The following ADGRL2 variants were observed in gnomAD, a reference collection of about 807,000 sequenced individuals.
ADGRL2 encodes the protein calcium-independent alpha-latrotoxin receptor 2.
A neutral mutation model predicts 157.4 loss-of-function variants in ADGRL2; 44 were observed. The observed-to-expected ratio is 0.28, with a 90% CI of 0.22 to 0.36. The LOEUF (loss-of-function observed/expected upper bound fraction) is 0.36, where lower values mean the gene tolerates loss of function less well. Among genes scored for constraint, ADGRL2 ranks in the 10% least tolerant of loss-of-function variants. The pLI is 1.00. For missense variants in ADGRL2, 1,510 were observed against 1,768.9 expected (o/e 0.85, Z 2.63); for synonymous variants, 585 against 624.7 (o/e 0.94, Z 0.95).
chr1:81,980,876 G>A (rs1242162159), intron 18 of ADGRL2: 1 of 632,364 alleles, frequency 1.6e-6, no homozygotes, highest in Non-Finnish European at 3.0e-6. Context: ...TTTATGGCAT[G>A]ATTTGTATTT....
intron 1 of ADGRL2, among the ~76,000 whole-genome samples, chr1:81,401,286 C>A (rs1042894222): frequency 1.3e-5 from 2 of 152,118 alleles, no homozygotes; most frequent in African/African-American, 4.8e-5. Flanking sequence ...ACCCAGGCAG[C>A]AAACTCAGCT....
At chr1:81,664,952 G>A (rs1453555094) in intron 3 of ADGRL2, among the ~76,000 whole-genome samples, 1 of 152,000 alleles carries the variant, frequency 6.6e-6, no homozygotes, top group African/African-American at 2.4e-5. Context: ...TGAACTTGAG[G>A]CTAAGAATAC....
intron 2 of ADGRL2, among the ~76,000 whole-genome samples, chr1:81,478,664 A>C (rs2101903662): frequency 6.6e-6 from 1 of 152,252 alleles, no homozygotes; most frequent in East Asian, 1.9e-4. Flanking sequence ...TCGTCTTATT[A>C]ATAGTGGCAG....
At chr1:81,801,710 A>G (rs964871067) in intron 1 of ADGRL2, among the ~76,000 whole-genome samples, 1 of 152,048 alleles carries the variant, frequency 6.6e-6, no homozygotes, top group Non-Finnish European at 1.5e-5. Context: ...GGCGCGAGGG[A>G]TGCTATTCCG....
chr1:81,468,341 A>ATT (rs1553167689), intron 2 of ADGRL2, among the ~76,000 whole-genome samples: 1 of 152,186 alleles, frequency 6.6e-6, no homozygotes, highest in Non-Finnish European at 1.5e-5. Flanking sequence ...TTAAATTCAC[A>ATT]TTATAAATTT....
At chr1:81,721,154 G>A (rs975168507) in intron 1 of ADGRL2, among the ~76,000 whole-genome samples, 11 of 150,128 alleles carry the variant, frequency 7.3e-5, no homozygotes, top group African/African-American at 2.5e-4. Context: ...TTACGGGTGT[G>A]AGCCACCGCA....
intron 2 of ADGRL2, among the ~76,000 whole-genome samples, chr1:81,544,128 C>G (rs1203553309): frequency 6.6e-6 from 1 of 152,086 alleles, no homozygotes; most frequent in African/African-American, 2.4e-5. Context: ...TCCCTGGATC[C>G]ACTGCATTTA....
At chr1:81,486,947 A>C (rs1394466272) in intron 2 of ADGRL2, among the ~76,000 whole-genome samples, 1 of 152,090 alleles carries the variant, frequency 6.6e-6, no homozygotes, top group Non-Finnish European at 1.5e-5. Context: ...TACTTGTATG[A>C]ATTTAAAACA....
intron 2 of ADGRL2, chr1:81,501,701 C>T (rs920277366): frequency 1.3e-6 from 2 of 1,594,668 alleles, no homozygotes; most frequent in Non-Finnish European, 1.7e-6. Context: ...AGGTTTAGAC[C>T]CAGTGTGCCT....
At chr1:81,404,254 A>G (rs2076814524) in intron 1 of ADGRL2, among the ~76,000 whole-genome samples, 1 of 152,212 alleles carries the variant, frequency 6.6e-6, no homozygotes, top group Admixed American at 6.5e-5. Flanking sequence ...TAGGCAAGGT[A>G]ATCAACTTTG....
At chr1:81,823,805 A>G (rs371698641) in intron 1 of ADGRL2, among the ~76,000 whole-genome samples, 4 of 152,250 alleles carry the variant, frequency 2.6e-5, no homozygotes, top group African/African-American at 9.6e-5. Context: ...TATACCAAGA[A>G]AGGTATAGAA....
chr1:81,976,217 TG>T (rs1278223198), intron 17 of ADGRL2, among the ~76,000 whole-genome samples: 1 of 152,010 alleles, frequency 6.6e-6, no homozygotes, highest in Non-Finnish European at 1.5e-5. Context: ...TTTCTTTAGT[TG>T]GGAAAAAGAA....
chr1:81,545,166 C>G (rs2079983326), intron 2 of ADGRL2, among the ~76,000 whole-genome samples: 1 of 152,096 alleles, frequency 6.6e-6, no homozygotes, highest in Non-Finnish European at 1.5e-5. Context: ...GTGAGTTAGT[C>G]CCACCTTACA....
intron 1 of ADGRL2, among the ~76,000 whole-genome samples, chr1:81,730,745 C>A (rs539967520): frequency 6.6e-6 from 1 of 152,060 alleles, no homozygotes. Context: ...AAAAAATAGT[C>A]CTCAGTGCTT....
At chr1:81,519,426 G>T (rs1423526864) in intron 2 of ADGRL2, among the ~76,000 whole-genome samples, 2 of 151,618 alleles carry the variant, frequency 1.3e-5, no homozygotes, top group East Asian at 3.9e-4. Context: ...ATACTTCTAG[G>T]AATATACCCA....
intron 1 of ADGRL2, among the ~76,000 whole-genome samples, chr1:81,761,389 A>G (rs2085876113): frequency 6.6e-6 from 1 of 151,924 alleles, no homozygotes; most frequent in Admixed American, 6.6e-5. Flanking sequence ...GGTTTATTAT[A>G]CTTTAAAAAA....
intron 1 of ADGRL2, among the ~76,000 whole-genome samples, chr1:81,348,220 T>C (rs12756606): frequency 0.23 from 35,419 of 152,056 alleles, 4,501 homozygotes; most frequent in Middle Eastern, 0.36. Flanking sequence ...TAATGGATCT[T>C]AGCTTCTCCT....
At chr1:81,392,056 C>T (rs1024644746) in intron 1 of ADGRL2, among the ~76,000 whole-genome samples, 1 of 152,030 alleles carries the variant, frequency 6.6e-6, no homozygotes, top group Non-Finnish European at 1.5e-5. Context: ...CGAATGAGCT[C>T]GATTTAAGTC....
At chr1:81,370,463 G>A (rs2076142745) in intron 1 of ADGRL2, among the ~76,000 whole-genome samples, 1 of 151,964 alleles carries the variant, frequency 6.6e-6, no homozygotes, top group South Asian at 2.1e-4. Flanking sequence ...TCTAAATAAG[G>A]TGATTTATTA....
Sources: allele counts gnomAD v4.1 joint callset (sites outside exome capture counted in the v4.1 genomes callset), GRCh38; gene constraint gnomAD v4.1.1; transcripts MANE v1.5; gene names NCBI Gene and HGNC (gene_info 2026-07-23, HGNC 2026-07-21).